The following SWAP70 variants were observed in gnomAD, a reference collection of about 807,000 sequenced individuals.
SWAP70 encodes switching B cell complex subunit SWAP70.
SWAP70 carries 34 observed loss-of-function variants against 80.2 expected under a neutral mutation model. The observed-to-expected ratio is 0.42, with a 90% CI of 0.32 to 0.56. The LOEUF (loss-of-function observed/expected upper bound fraction) is 0.56. Among genes scored for constraint, SWAP70 ranks in the 20% least tolerant of loss-of-function variants. SWAP70 has a pLI of 0.09. For missense variants in SWAP70, 578 were observed against 690.7 expected (o/e 0.84, Z 1.83); for synonymous variants, 239 against 238.5 (o/e 1.00, Z -0.02).
intron 2 of SWAP70, among the ~76,000 whole-genome samples, chr11:9,697,939 C>G (rs1850779967): frequency 6.6e-6 from 1 of 151,990 alleles, no homozygotes; most frequent in Non-Finnish European, 1.5e-5. Context: ...TGCGTGCCAC[C>G]ACACCTGGCT....
intron 2 of SWAP70, among the ~76,000 whole-genome samples, chr11:9,711,568 C>T (rs1850998939): frequency 6.6e-6 from 1 of 152,106 alleles, no homozygotes; most frequent in African/African-American, 2.4e-5. Flanking sequence ...GGAATGTGAC[C>T]CAGGCTCAGC....
intron 1 of SWAP70, among the ~76,000 whole-genome samples, chr11:9,671,537 TAGAA>T (rs1565109455): frequency 1.0e-3 from 27 of 25,924 alleles, no homozygotes; most frequent in South Asian, 2.5e-3. Flanking sequence ...TATAAATATA[TAGAA>T]ATATATAGAA....
chr11:9,682,866 A>G (rs1850585058), intron 1 of SWAP70, among the ~76,000 whole-genome samples: 1 of 152,138 alleles, frequency 6.6e-6, no homozygotes, highest in African/African-American at 2.4e-5. Context: ...TAGTAGATAC[A>G]GGGTTTTTGC....
At chr11:9,722,998 G>A (rs1851159759) in intron 3 of SWAP70, among the ~76,000 whole-genome samples, 1 of 152,198 alleles carries the variant, frequency 6.6e-6, no homozygotes, top group South Asian at 2.1e-4. Context: ...TGTAAAGTCT[G>A]AGGTGGGACA....
chr11:9,666,959 G>A (rs1431035214), intron 1 of SWAP70, among the ~76,000 whole-genome samples: 3 of 152,000 alleles, frequency 2.0e-5, no homozygotes, highest in Non-Finnish European at 2.9e-5. Flanking sequence ...TCCTGACCTC[G>A]TGATCTGCCC....
rs200569370 is a variant in SWAP70 at position 9,740,312 on chromosome 11, G to A, written c.1320G>A (p.Arg440=). The change falls in exon 9 of 12, where the codon CGG becomes CGA. Residue 440 remains arginine (R), a synonymous_variant. Coordinates refer to ENST00000318950, the MANE Select transcript of SWAP70 (RefSeq NM_015055.4). ...QEALEDERQA[R]QDEETVRKLQ... ...CTCTTGAAGATGAGAGACAGGCCCG[G>A]CAAGATGAAGAGACAGTGCGGAAGC... 1 of 1,614,212 alleles carries A rather than the reference G, an allele frequency of 6.2e-7. No individual in the cohort carries two copies. The highest frequency in any genetic ancestry group is 2.2e-5 in the East Asian group (1 of 44,894).
rs181028087 is a variant in SWAP70 at position 9,675,833 on chromosome 11, A to G, written c.99+11555A>G. 1.9e-3 allele frequency among the ~76,000 whole-genome samples: 295 copies of G among 152,210 alleles called. 1 individual carries two copies. The highest frequency in any genetic ancestry group is 6.7e-3 in the African/African-American group (279 of 41,524). On this transcript the variant is annotated intron_variant, in intron 1 of 11. Coordinates refer to ENST00000318950, the MANE Select transcript of SWAP70 (RefSeq NM_015055.4). ...CCAGTTGTAACTTGACTGGCTCCCCACCTGAGTTGAGAGTACGTAGGCCTT... is the reference window on the plus strand; with the variant it reads ...CCAGTTGTAACTTGACTGGCTCCCCGCCTGAGTTGAGAGTACGTAGGCCTT...
intron 2 of SWAP70, among the ~76,000 whole-genome samples, chr11:9,700,067 C>T (rs1391690085): frequency 4.7e-4 from 72 of 152,198 alleles, no homozygotes; most frequent in Non-Finnish European, 7.4e-5. Flanking sequence ...CACCCTACTA[C>T]TGCATTTTGT....
At chr11:9,686,708 C>A (rs1375762215) in intron 1 of SWAP70, among the ~76,000 whole-genome samples, 1 of 152,118 alleles carries the variant, frequency 6.6e-6, no homozygotes, top group Non-Finnish European at 1.5e-5. Context: ...CATATAGATA[C>A]AGACACCATC....
chr11:9,743,606 A>G (rs1053721605), intron 9 of SWAP70, among the ~76,000 whole-genome samples: 1 of 151,472 alleles, frequency 6.6e-6, no homozygotes, highest in African/African-American at 2.4e-5. Flanking sequence ...CTGGTGTGAG[A>G]TGGTATCTCA....
intron 1 of SWAP70, among the ~76,000 whole-genome samples, chr11:9,670,320 G>A (rs7925716): frequency 0.99 from 151,246 of 152,322 alleles, 75,097 homozygotes; most frequent in East Asian, 1. Context: ...GACCAGATGT[G>A]TAGTAGTGGT....
At chr11:9,712,349 A>G (rs762578408) in intron 2 of SWAP70, among the ~76,000 whole-genome samples, 4 of 152,074 alleles carry the variant, frequency 2.6e-5, no homozygotes, top group African/African-American at 4.8e-5. Context: ...TTATTTGCAT[A>G]TCTGTTTTCC....
At chr11:9,691,975 A>G (rs945332497) in intron 1 of SWAP70, among the ~76,000 whole-genome samples, 1 of 152,106 alleles carries the variant, frequency 6.6e-6, no homozygotes, top group African/African-American at 2.4e-5. Context: ...ATCCTTACCT[A>G]TCCTGTAAGC....
At chr11:9,725,571 T>A (rs7105763) in intron 4 of SWAP70, among the ~76,000 whole-genome samples, 327 of 24,270 alleles carry the variant, frequency 0.013, 1 homozygote, top group South Asian at 0.023. Context: ...ATATATATAT[T>A]TTTTTTTTTT....
rs111394170 is a variant in SWAP70 at position 9,673,202 on chromosome 11, A to G, written c.99+8924A>G. Among the ~76,000 whole-genome samples the G allele has an allele frequency of 7.1e-3, 1,077 of 152,316 alleles. 16 individuals are homozygous for G. Among genetic ancestry groups the G allele is most frequent in the African/African-American group, 0.024 (993 of 41,568 alleles). On this transcript the variant is annotated intron_variant, in intron 1 of 11. Transcript: ENST00000318950. ...CCAGTTGCAAATCTGGGCCTCTGGAACTTCTGATGGACCAGCTTCAAGTTG... is the reference window on the plus strand; with the variant it reads ...CCAGTTGCAAATCTGGGCCTCTGGAGCTTCTGATGGACCAGCTTCAAGTTG...
At chr11:9,745,507 A>G (rs1251545280) in intron 9 of SWAP70, among the ~76,000 whole-genome samples, 1 of 152,256 alleles carries the variant, frequency 6.6e-6, no homozygotes, top group African/African-American at 2.4e-5. Context: ...CTTTATAGAA[A>G]TTCATTTGAA....
intron 1 of SWAP70, among the ~76,000 whole-genome samples, chr11:9,675,373 GAGAGAGAGAGAGAGAGAGAGAGAGA>G (rs1850481561): frequency 1.8e-5 from 1 of 56,586 alleles, no homozygotes; most frequent in Admixed American, 1.5e-4. Context: ...GAGAGAGAGA[GAGAGAGAGAGAGAGAGAGAGAGAGA>G]GAGAGAGAGA....
intron 1 of SWAP70, among the ~76,000 whole-genome samples, chr11:9,677,787 T>G (rs1485746315): frequency 1.3e-5 from 2 of 152,218 alleles, no homozygotes; most frequent in Admixed American, 1.3e-4. Context: ...TAAAAGAATT[T>G]ACAACTCTGG....
At chr11:9,669,597 A>G (rs1450722062) in intron 1 of SWAP70, among the ~76,000 whole-genome samples, 1 of 152,202 alleles carries the variant, frequency 6.6e-6, no homozygotes, top group Non-Finnish European at 1.5e-5. Flanking sequence ...CTACTGCAAG[A>G]GATGGGAATG....
Sources: gnomAD v4.1 joint callset for allele counts (sites outside exome capture counted in the v4.1 genomes callset) on GRCh38, gnomAD v4.1.1 for gene constraint, MANE v1.5 for transcripts, NCBI Gene and HGNC (gene_info 2026-07-23, HGNC 2026-07-21) for gene names.